Variants in TRMT9B observed in about 807,000 individuals in gnomAD.
TRMT9B encodes tRNA methyltransferase 9B (putative).
Under a neutral mutation model 11.5 loss-of-function variants are expected in TRMT9B, and 16 were observed. That is an observed-to-expected ratio of 1.39 (90% CI 0.94 to 2.11). The LOEUF is 2.11. TRMT9B is among the 30% of genes most tolerant of loss of function. The pLI is 0.00. For synonymous variants in TRMT9B, 274 were observed against 192.4 expected, an observed-to-expected ratio of 1.42 and a Z score of -3.51; for missense variants, 941 against 553.8, an observed-to-expected ratio of 1.70 and a Z score of -7.02.
At chr8:12,965,573 C>G (rs917153530) in intron 1 of TRMT9B, among the ~76,000 whole-genome samples, 2 of 151,750 alleles carry the variant, frequency 1.3e-5, no homozygotes, top group Admixed American at 6.6e-5. Flanking sequence ...AAGTCTTTTT[C>G]TTCATATTTT....
chr8:12,985,647 T>A (rs1390967733), intron 1 of TRMT9B, among the ~76,000 whole-genome samples: 1 of 152,184 alleles, frequency 6.6e-6, no homozygotes, highest in East Asian at 1.9e-4. Flanking sequence ...TGTAGCCTAG[T>A]AGGTGCTTAG....
intron 1 of TRMT9B, among the ~76,000 whole-genome samples, chr8:12,990,566 G>C (rs954358891): frequency 6.6e-6 from 1 of 152,152 alleles, no homozygotes; most frequent in Non-Finnish European, 1.5e-5. Flanking sequence ...CTCAATGTTA[G>C]CAATTTTCCC....
chr8:13,011,121 G>T (rs1437698529), intron 3 of TRMT9B: 3 of 317,350 alleles, frequency 9.5e-6, no homozygotes, highest in African/African-American at 4.5e-5. Context: ...TGAGTAACTG[G>T]GATTACAGGT....
chr8:12,987,124 G>A (rs1268985767), intron 1 of TRMT9B, among the ~76,000 whole-genome samples: 1 of 152,140 alleles, frequency 6.6e-6, no homozygotes, highest in Admixed American at 6.5e-5. Context: ...ATAGTTAAGA[G>A]TGCGAACGCT....
intron 2 of TRMT9B, among the ~76,000 whole-genome samples, chr8:12,994,351 T>C (rs1375759563): frequency 6.6e-6 from 1 of 152,200 alleles, no homozygotes; most frequent in Non-Finnish European, 1.5e-5. Context: ...AATAAAACTT[T>C]TTTATTTTTT....
intron 1 of TRMT9B, among the ~76,000 whole-genome samples, chr8:12,987,991 G>C (rs1568329): frequency 0.78 from 119,381 of 152,152 alleles, 47,278 homozygotes; most frequent in Non-Finnish European, 0.84. Context: ...ATATCACTTT[G>C]ACACCATCAT....
At chr8:13,015,888 T>C (rs186366832) in intron 4 of TRMT9B, among the ~76,000 whole-genome samples, 1 of 152,170 alleles carries the variant, frequency 6.6e-6, no homozygotes, top group African/African-American at 2.4e-5. Flanking sequence ...GCACGCGTTT[T>C]TATGATCTGT....
chr8:13,009,937 G>A (rs1811278709), intron 3 of TRMT9B, among the ~76,000 whole-genome samples: 1 of 151,962 alleles, frequency 6.6e-6, no homozygotes, highest in Non-Finnish European at 1.5e-5. Context: ...GACCAGCCTG[G>A]AAAACATGGT....
At position 13,026,056 on chromosome 8, in the gene TRMT9B, C is replaced by T. The variant is rs570404574; in HGVS notation, c.*4012C>T. 9.0e-4 allele frequency: 151 copies of T among 167,008 alleles called. 1 individual carries two copies. Among genetic ancestry groups the T allele is most frequent in the African/African-American group, 3.1e-3 (130 of 41,508 alleles). 10.3% of individuals were successfully genotyped at this position (167,008 alleles called of 1,614,324 possible). ...TTGGAGGAGAACAGAAGTTCTAACT[C>T]AGTACTTGAACTTGGTGGGGGAGGG... is the stretch of plus-strand genomic sequence containing the variant. On this transcript the variant is annotated 3_prime_UTR_variant, in exon 5 of 5. Transcript: ENST00000524591.
At chr8:12,956,029 C>T (rs1280985290) in intron 1 of TRMT9B, among the ~76,000 whole-genome samples, 1 of 152,170 alleles carries the variant, frequency 6.6e-6, no homozygotes, top group East Asian at 1.9e-4. Context: ...ACATTGCTAC[C>T]AACAACAAAA....
intron 2 of TRMT9B, among the ~76,000 whole-genome samples, chr8:13,000,068 G>C (rs949092694): frequency 3.3e-5 from 5 of 152,030 alleles, no homozygotes; most frequent in Admixed American, 3.3e-4. Flanking sequence ...TTGGTGGGTG[G>C]GATTAGAATA....
intron 1 of TRMT9B, among the ~76,000 whole-genome samples, chr8:12,981,337 G>C (rs1048202258): frequency 1.3e-5 from 2 of 152,182 alleles, no homozygotes; most frequent in African/African-American, 2.4e-5. Flanking sequence ...CAGAGCACAG[G>C]GTGTGAATTG....
At position 13,013,192 on chromosome 8, in the gene TRMT9B, AG is replaced by A. The variant is rs143987550; in HGVS notation, c.328+336del. ...TTTAAATGAAGCCAGATTAATCCAA[AG>A]CAAAGTAGATTTTTAGAAGTTATAT... On this transcript the variant is annotated intron_variant, in intron 4 of 4. Coordinates refer to ENST00000524591, the MANE Select transcript of TRMT9B (RefSeq NM_020844.3). 9.6e-3 allele frequency among the ~76,000 whole-genome samples: 1,463 copies of A among 152,318 alleles called. 18 individuals are homozygous for A. The highest frequency in any genetic ancestry group is 0.034 in the African/African-American group (1,417 of 41,570).
At chr8:12,947,272 C>T (rs148143674) in intron 1 of TRMT9B, among the ~76,000 whole-genome samples, 1 of 152,202 alleles carries the variant, frequency 6.6e-6, no homozygotes, top group African/African-American at 2.4e-5. Flanking sequence ...CAATTTCTTC[C>T]TGCAATCTGA....
chr8:13,020,777 C>G (rs992815054), intron 4 of TRMT9B, among the ~76,000 whole-genome samples: 14 of 152,276 alleles, frequency 9.2e-5, no homozygotes, highest in African/African-American at 3.4e-4. Flanking sequence ...ACTTAAATAT[C>G]TTGCCCAAGA....
intron 2 of TRMT9B, among the ~76,000 whole-genome samples, chr8:12,995,565 C>A (rs1200379296): frequency 6.6e-6 from 1 of 152,086 alleles, no homozygotes; most frequent in African/African-American, 2.4e-5. Flanking sequence ...CCTTGCACTT[C>A]CCCTGGTTTC....
chr8:12,949,186 C>G (rs887139730), intron 1 of TRMT9B, among the ~76,000 whole-genome samples: 1 of 151,600 alleles, frequency 6.6e-6, no homozygotes, highest in African/African-American at 2.4e-5. Context: ...ACAAAAATCT[C>G]CATTCTAAGA....
chr8:13,012,122 C>A, intron 3 of TRMT9B: 1 of 985,496 alleles, frequency 1.0e-6, no homozygotes, highest in Non-Finnish European at 1.2e-6. Context: ...TGTACTGAGC[C>A]CTGTGGACAT....
chr8:12,972,012 T>C (rs1390435970), intron 1 of TRMT9B, among the ~76,000 whole-genome samples: 1 of 152,232 alleles, frequency 6.6e-6, no homozygotes, highest in Non-Finnish European at 1.5e-5. Flanking sequence ...CTTTATTGTT[T>C]TCATGTTTTG....
Sources: gnomAD v4.1 joint callset for allele counts (sites outside exome capture counted in the v4.1 genomes callset) on GRCh38, gnomAD v4.1.1 for gene constraint, MANE v1.5 for transcripts, NCBI Gene and HGNC (gene_info 2026-07-23, HGNC 2026-07-21) for gene names.